The following COL8A1 variants were observed in gnomAD, a reference collection of about 807,000 sequenced individuals.
COL8A1 encodes the protein collagen type VIII alpha 1 chain, also known as collagen alpha-1(VIII) chain.
Under a neutral mutation model 42.7 loss-of-function variants are expected in COL8A1, and 21 were observed. The ratio of observed to expected loss-of-function variants is 0.49; its 90% confidence interval spans 0.35 to 0.71. The LOEUF is 0.71. Ranked by LOEUF, COL8A1 falls within the 30% of genes least tolerant of loss-of-function variation. COL8A1 has a pLI of 0.01. For missense variants in COL8A1, 788 were observed against 962.4 expected (o/e 0.82, Z 2.40); for synonymous variants, 367 against 369.1 (o/e 0.99, Z 0.06).
intron 1 of COL8A1, among the ~76,000 whole-genome samples, chr3:99,664,258 G>A (rs752240867): frequency 1.2e-4 from 18 of 152,152 alleles, no homozygotes; most frequent in Non-Finnish European, 1.5e-5. Context: ...AAGGCCTGGA[G>A]CAATGCCAGG....
intron 1 of COL8A1, among the ~76,000 whole-genome samples, chr3:99,711,316 C>T (rs1241693573): frequency 1.3e-5 from 2 of 152,124 alleles, no homozygotes; most frequent in African/African-American, 4.8e-5. Flanking sequence ...GGGAATTGAA[C>T]TAGAGTCTGA....
intron 1 of COL8A1, among the ~76,000 whole-genome samples, chr3:99,732,245 A>T (rs1940531590): frequency 6.6e-6 from 1 of 152,188 alleles, no homozygotes; most frequent in South Asian, 2.1e-4. Flanking sequence ...TTTTCCTTAT[A>T]TGAAGAATCC....
chr3:99,692,444 G>A (rs1265589498), intron 1 of COL8A1, among the ~76,000 whole-genome samples: 2 of 152,186 alleles, frequency 1.3e-5, no homozygotes, highest in Admixed American at 1.3e-4. Context: ...TTTGCCTTGG[G>A]GCAATCTTTT....
chr3:99,694,349 G>T (rs1363011775), intron 1 of COL8A1, among the ~76,000 whole-genome samples: 1 of 152,000 alleles, frequency 6.6e-6, no homozygotes, highest in African/African-American at 2.4e-5. Context: ...TGGTCATGGT[G>T]CCTGTAGCCC....
chr3:99,647,670 A>G (rs1367960514), intron 1 of COL8A1, among the ~76,000 whole-genome samples: 1 of 152,218 alleles, frequency 6.6e-6, no homozygotes, highest in East Asian at 1.9e-4. Flanking sequence ...CTAGCTCATC[A>G]GTCTCTGAGC....
intron 2 of COL8A1, among the ~76,000 whole-genome samples, chr3:99,764,928 C>T (rs953817039): frequency 3.3e-5 from 5 of 151,870 alleles, no homozygotes; most frequent in African/African-American, 4.8e-5. Flanking sequence ...CAAACCATCC[C>T]ATAATTCAAG....
At chr3:99,647,028 T>A (rs901451156) in intron 1 of COL8A1, among the ~76,000 whole-genome samples, 1 of 152,236 alleles carries the variant, frequency 6.6e-6, no homozygotes, top group African/African-American at 2.4e-5. Flanking sequence ...TCAGTGTTTA[T>A]ACAGAAAAAA....
chr3:99,707,053 G>A (rs895991309), intron 1 of COL8A1: 4 of 152,134 alleles, frequency 2.6e-5, no homozygotes, highest in Non-Finnish European at 5.9e-5. Context: ...AAGTAAAGAA[G>A]ATGAGTTAAA....
chr3:99,729,177 A>C (rs1344903988), intron 1 of COL8A1, among the ~76,000 whole-genome samples: 2 of 152,008 alleles, frequency 1.3e-5, no homozygotes, highest in East Asian at 3.9e-4. Flanking sequence ...AAACATTGCC[A>C]CTTAAATTAT....
At chr3:99,762,355 C>T (rs747214992) in intron 2 of COL8A1, among the ~76,000 whole-genome samples, 1 of 152,086 alleles carries the variant, frequency 6.6e-6, no homozygotes, top group Non-Finnish European at 1.5e-5. Flanking sequence ...GTCGAGATAC[C>T]GTACTTAAAT....
Position 99,794,934 on chromosome 3 carries a change from C to A in COL8A1, c.1033C>A (p.Pro345Thr). ...AGGACTGCCAGGGCTACCAGGACCC[C>A]CAGGCCTTCCAGGGATTGGGAAACC... is the stretch of plus-strand genomic sequence containing the variant. ...EQGLPGLPGP[P>T]GLPGIGKPGF... The change falls in exon 4 of 4, where the codon CCA becomes ACA. Residue 345 changes from proline (P) to threonine (T), a missense_variant. By Grantham distance (38) the Pro-to-Thr change is conservative. Coordinates refer to ENST00000652472, the MANE Select transcript of COL8A1 (RefSeq NM_020351.4). This position sits in a 1 kb window ranked among gnomAD's most constrained non-coding sequence, Gnocchi z 4.3. 1.3e-6 allele frequency: 2 copies of A among 1,593,816 alleles called. No homozygotes were observed. Among genetic ancestry groups the A allele is most frequent in the Non-Finnish European group, 1.7e-6 (2 of 1,170,732 alleles).
chr3:99,700,540 T>A (rs964018581), intron 1 of COL8A1, among the ~76,000 whole-genome samples: 1 of 152,134 alleles, frequency 6.6e-6, no homozygotes, highest in Non-Finnish European at 1.5e-5. Flanking sequence ...GAAGTCTTCA[T>A]GTATCATCTT....
At chr3:99,647,272 G>A (rs1937677247) in intron 1 of COL8A1, among the ~76,000 whole-genome samples, 1 of 152,114 alleles carries the variant, frequency 6.6e-6, no homozygotes, top group South Asian at 2.1e-4. Flanking sequence ...ACTTCCTGCA[G>A]CATTATTTCA....
chr3:99,789,016 T>C (rs1941947772), intron 2 of COL8A1, among the ~76,000 whole-genome samples: 1 of 152,160 alleles, frequency 6.6e-6, no homozygotes, highest in Non-Finnish European at 1.5e-5. Flanking sequence ...TTCATCTTAG[T>C]AATCCAAAAT....
intron 1 of COL8A1, among the ~76,000 whole-genome samples, chr3:99,705,823 A>C (rs2077779292): frequency 6.6e-6 from 1 of 152,230 alleles, no homozygotes; most frequent in Non-Finnish European, 1.5e-5. Context: ...ACAATAAAAG[A>C]TAAATAATTA....
intron 1 of COL8A1, among the ~76,000 whole-genome samples, chr3:99,674,141 A>G (rs1938622495): frequency 6.6e-6 from 1 of 152,058 alleles, no homozygotes; most frequent in Non-Finnish European, 1.5e-5. Flanking sequence ...TTTGAAAATT[A>G]TGAATCCAAA....
At chr3:99,716,164 C>A (rs1406137394) in intron 1 of COL8A1, among the ~76,000 whole-genome samples, 1 of 152,016 alleles carries the variant, frequency 6.6e-6, no homozygotes, top group Non-Finnish European at 1.5e-5. Flanking sequence ...TGGGTAATTA[C>A]AGGGCCAGAA....
intron 2 of COL8A1, among the ~76,000 whole-genome samples, chr3:99,755,768 G>T (rs1337539209): frequency 6.6e-6 from 1 of 152,210 alleles, no homozygotes; most frequent in Non-Finnish European, 1.5e-5. Flanking sequence ...CTTGTTGCAA[G>T]ATGGCAAGAA....
At chr3:99,661,898 G>C (rs867860219) in intron 1 of COL8A1, among the ~76,000 whole-genome samples, 8 of 152,172 alleles carry the variant, frequency 5.3e-5, no homozygotes, top group Non-Finnish European at 1.0e-4. Context: ...ATTTATTTGA[G>C]ATACCTAGAG....
Sources: allele counts gnomAD v4.1 joint callset (sites outside exome capture counted in the v4.1 genomes callset), GRCh38; gene constraint gnomAD v4.1.1; non-coding constraint Gnocchi (gnomAD v3.1); transcripts MANE v1.5; gene names NCBI Gene and HGNC (gene_info 2026-07-23, HGNC 2026-07-21).